The following CLVS1 variants were observed in gnomAD, a reference collection of about 807,000 sequenced individuals.
CLVS1 encodes clavesin 1.
CLVS1 carries 10 observed loss-of-function variants against 33.1 expected under a neutral mutation model. The observed-to-expected ratio is 0.30, with a 90% CI of 0.19 to 0.51. The LOEUF is 0.51. CLVS1 is among the 20% of genes least tolerant of loss of function. The probability of loss-of-function intolerance (pLI) is 0.97; values close to 1 mark genes in which losing one functional copy is unlikely to be tolerated. For synonymous variants in CLVS1, 163 were observed against 166.1 expected, an observed-to-expected ratio of 0.98 and a Z score of 0.14; for missense variants, 343 against 433.4, an observed-to-expected ratio of 0.79 and a Z score of 1.85.
chr8:61,076,563 T>C, intron 1 of CLVS1, among the ~76,000 whole-genome samples: 1 of 152,260 alleles, frequency 6.6e-6, no homozygotes, highest in East Asian at 1.9e-4. Flanking sequence ...CCATTTCTAT[T>C]ATGATATAAT....
the CLVS1 span, among the ~76,000 whole-genome samples, chr8:61,009,440 G>A: frequency 6.6e-6 from 1 of 152,196 alleles, no homozygotes; most frequent in Non-Finnish European, 1.5e-5. Flanking sequence ...GAGTCACTGT[G>A]CCTGGCAAAT....
intron 2 of CLVS1, among the ~76,000 whole-genome samples, chr8:61,246,570 T>A (rs1008924354): frequency 2.6e-5 from 4 of 152,166 alleles, no homozygotes; most frequent in African/African-American, 9.6e-5. Flanking sequence ...TTACTTAGAC[T>A]TATCCATATA....
intron 2 of CLVS1, among the ~76,000 whole-genome samples, chr8:61,374,609 G>A (rs938989989): frequency 6.6e-6 from 1 of 152,130 alleles, no homozygotes; most frequent in Non-Finnish European, 1.5e-5. Flanking sequence ...AGCACACAAA[G>A]TCCCAATGAA....
chr8:61,056,206 C>A (rs909800779), upstream of CLVS1, among the ~76,000 whole-genome samples: 1 of 152,182 alleles, frequency 6.6e-6, no homozygotes, highest in Non-Finnish European at 1.5e-5. Context: ...AGTCAAGAGG[C>A]TTTTGACTCC....
At chr8:61,191,752 A>G (rs1240775321) in intron 2 of CLVS1, among the ~76,000 whole-genome samples, 3 of 152,222 alleles carry the variant, frequency 2.0e-5, no homozygotes, top group Non-Finnish European at 4.4e-5. Context: ...AGAGAGCCAA[A>G]TCATGAGTGA....
chr8:61,438,465 T>C (rs1816425856), intron 3 of CLVS1, among the ~76,000 whole-genome samples: 1 of 152,264 alleles, frequency 6.6e-6, no homozygotes, highest in Non-Finnish European at 1.5e-5. Flanking sequence ...TCTTTGCTAT[T>C]GTGAATAGTG....
chr8:61,122,037 T>A (rs1805881597), intron 1 of CLVS1, among the ~76,000 whole-genome samples: 1 of 152,186 alleles, frequency 6.6e-6, no homozygotes. Context: ...CCACCACCAC[T>A]GGATTTGGTG....
At chr8:61,148,634 C>T (rs879728969) in intron 2 of CLVS1, among the ~76,000 whole-genome samples, 25 of 152,190 alleles carry the variant, frequency 1.6e-4, no homozygotes, top group Non-Finnish European at 3.4e-4. Context: ...GATTTAGAAG[C>T]ACAGTTGATA....
At chr8:61,285,964 T>G (rs956142137), upstream of CLVS1, among the ~76,000 whole-genome samples, 2 of 151,686 alleles carry the variant, frequency 1.3e-5, no homozygotes, top group Non-Finnish European at 2.9e-5. Context: ...CTGTAGTTTT[T>G]TTTTTTTTTT....
intron 1 of CLVS1, among the ~76,000 whole-genome samples, chr8:61,075,528 G>T (rs1804894881): frequency 6.6e-6 from 1 of 152,220 alleles, no homozygotes; most frequent in African/African-American, 2.4e-5. Context: ...TTTTACATTG[G>T]TGACACCTCT....
At chr8:61,029,955 C>A in the CLVS1 span, among the ~76,000 whole-genome samples, 1 of 152,158 alleles carries the variant, frequency 6.6e-6, no homozygotes. Flanking sequence ...TACAGCCATC[C>A]CTTATGTAGA....
chr8:60,995,635 C>G, the CLVS1 span, among the ~76,000 whole-genome samples: 1 of 152,162 alleles, frequency 6.6e-6, no homozygotes, highest in East Asian at 1.9e-4. Flanking sequence ...CTAGAAATAC[C>G]ATTTGACCCA....
intron 5 of CLVS1, among the ~76,000 whole-genome samples, chr8:61,479,344 C>T (rs191106728): frequency 2.5e-4 from 38 of 152,254 alleles, no homozygotes; most frequent in Admixed American, 1.9e-3. Context: ...CATTTTTCAT[C>T]GCTGATACCC....
At chr8:61,415,868 T>C (rs1211744416) in intron 3 of CLVS1, among the ~76,000 whole-genome samples, 11 of 152,232 alleles carry the variant, frequency 7.2e-5, no homozygotes, top group Admixed American at 6.5e-4. Flanking sequence ...CCTATCTCCA[T>C]TGATTTTTAT....
chr8:61,028,209 C>T, the CLVS1 span, among the ~76,000 whole-genome samples: 4 of 152,096 alleles, frequency 2.6e-5, no homozygotes, highest in South Asian at 2.1e-4. Flanking sequence ...AAGGGGATGT[C>T]GGGAGGAATC....
In CLVS1 at chr8:61,210,354, G is replaced by A. The variant is rs141609379; in HGVS notation, c.-152+78494G>A. Among the ~76,000 whole-genome samples the A allele has an allele frequency of 4.0e-3, 616 of 152,330 alleles. 2 individuals are homozygous for A. Among genetic ancestry groups the A allele is most frequent in the Non-Finnish European group, 6.6e-3 (446 of 68,028 alleles). On this transcript the variant is annotated intron_variant, in intron 2 of 2. Transcript: ENST00000522621. ...GGACACTGAAACTGCCGATGTCTTGGTCTTGGACCCCCAGGCCTCAGAACT... is the reference window on the plus strand; with the variant it reads ...GGACACTGAAACTGCCGATGTCTTGATCTTGGACCCCCAGGCCTCAGAACT...
At chr8:61,326,283 ATG>A (rs1241746302) in intron 2 of CLVS1, among the ~76,000 whole-genome samples, 4 of 152,178 alleles carry the variant, frequency 2.6e-5, no homozygotes, top group Non-Finnish European at 5.9e-5. Context: ...TCTCATGATT[ATG>A]TGACTTGAGT....
chr8:61,386,637 G>A (rs1247656321), intron 3 of CLVS1, among the ~76,000 whole-genome samples: 1 of 152,162 alleles, frequency 6.6e-6, no homozygotes, highest in East Asian at 1.9e-4. Flanking sequence ...TATAAGTCTA[G>A]TGTTCATGAT....
chr8:61,359,580 T>A (rs1231137781), intron 2 of CLVS1, among the ~76,000 whole-genome samples: 1 of 152,146 alleles, frequency 6.6e-6, no homozygotes, highest in Admixed American at 6.5e-5. Context: ...GGTCTTGAAC[T>A]CCTGGCCTTG....
Sources: gnomAD v4.1 joint callset for allele counts (sites outside exome capture counted in the v4.1 genomes callset) on GRCh38, gnomAD v4.1.1 for gene constraint, MANE v1.5 for transcripts, NCBI Gene and HGNC (gene_info 2026-07-23, HGNC 2026-07-21) for gene names.